The following USP45 variants were observed in gnomAD, a reference collection of about 807,000 sequenced individuals.
USP45 encodes the protein ubiquitin carboxyl-terminal hydrolase 45.
USP45 carries 89 observed loss-of-function variants against 95.8 expected under a neutral mutation model. That is an observed-to-expected ratio of 0.93 (90% CI 0.78 to 1.11). The LOEUF (loss-of-function observed/expected upper bound fraction) is 1.11. USP45 is among the 50% of genes least tolerant of loss of function. The pLI, the probability that USP45 is intolerant of heterozygous loss-of-function variation, is 0.00. For missense variants in USP45, 898 were observed against 942.5 expected, an observed-to-expected ratio of 0.95 and a Z score of 0.62; for synonymous variants, 281 against 316.2, an observed-to-expected ratio of 0.89 and a Z score of 1.18.
rs146996091 is a variant in USP45, at chr6:99,473,665, G to C, written c.933+2478C>G. On this transcript the variant is annotated intron_variant, in intron 9 of 17. Transcript: ENST00000500704. ...AGCTACTCGGGAGGCTGAGGCAGGA[G>C]AATCACTTGAACCTGGGAGGCAGAG... Among the ~76,000 whole-genome samples, 267 of 151,996 alleles carry C rather than the reference G, an allele frequency of 1.8e-3. 1 individual carries two copies. Among genetic ancestry groups the C allele is most frequent in the East Asian group, 5.4e-3 (28 of 5,160 alleles).
chr6:99,488,379 G>C (rs1245511884), intron 6 of USP45, 84 bp from the exon 7 acceptor site: 13 of 896,168 alleles, frequency 1.5e-5, no homozygotes, highest in Non-Finnish European at 2.2e-5. Flanking sequence ...ATTTCATCTA[G>C]CATAGCAAAA....
Position 99,468,563 on chromosome 6 carries a change from T to C in USP45, c.989A>G (p.Asp330Gly), listed in dbSNP as rs753553353. The C allele has an allele frequency of 1.2e-6, 2 of 1,608,860 alleles. No homozygotes were observed. The highest frequency in any genetic ancestry group is 2.2e-5 in the East Asian group (1 of 44,696). ...AFNNPTTKTADDETRKKVKAY... is the reference protein window; with the variant it reads ...AFNNPTTKTAGDETRKKVKAY... The stretch of plus-strand genomic sequence containing the variant: ...TTTGACTTTTTTTCTAGTTTCATCA[T>C]CAGCAGTTTTAGTAGTTGGGTTGTT... Residue 330 changes from aspartate to glycine, a missense_variant, in exon 10 of 18, where the codon GAT (aspartate) becomes GGT (glycine). Transcript: ENST00000500704.
At chr6:99,473,385 CA>C (rs1554239237) in intron 9 of USP45, among the ~76,000 whole-genome samples, 111 of 142,350 alleles carry the variant, frequency 7.8e-4, no homozygotes, top group Middle Eastern at 3.5e-3. Flanking sequence ...ACTAAAAATA[CA>C]AAAAAAAAAA....
Position 99,510,076 on chromosome 6 carries a change from T to C in USP45, c.100+45A>G, listed in dbSNP as rs1261247459. On this transcript the variant is annotated intron_variant, in intron 2 of 17. Transcript: ENST00000500704. ...GTTGTTGAAGGGTCAACTGCATTGT[T>C]ATTTCTTCTCAACACTATTTGGGAT... 19 of 1,432,200 alleles carry C rather than the reference T, an allele frequency of 1.3e-5. No individual in the cohort carries two copies. In the African/African-American group the frequency reaches 1.8e-4, roughly 14 times the overall value. The allele number at this position is 1,432,200 out of a possible 1,614,324, so 88.7% of individuals were successfully genotyped here. A position where few individuals can be genotyped will look rare whatever the true frequency, so the allele number is the denominator to read the frequency against.
chr6:99,476,113 G>C (rs747012675), intron 9 of USP45, 30 bp downstream of exon 9: 3 of 1,593,520 alleles, frequency 1.9e-6, no homozygotes, highest in Admixed American at 1.7e-5. Flanking sequence ...TTCTTGAAGA[G>C]AATACATGAT....
intron 16 of USP45, among the ~76,000 whole-genome samples, 180 bp downstream of exon 16, chr6:99,439,589 A>G (rs1781143339): frequency 6.6e-6 from 1 of 152,218 alleles, no homozygotes. Context: ...TGTCTCCCAA[A>G]GGACAAAAAT....
At chr6:99,488,618 G>A in intron 6 of USP45, 63 bp downstream of exon 6, 2 of 1,496,834 alleles carry the variant, frequency 1.3e-6, no homozygotes, top group Non-Finnish European at 9.1e-7. Context: ...CTACAGGTGA[G>A]CCAATGACTA....
At chr6:99,461,176 T>C in intron 13 of USP45, 1 of 985,338 alleles carries the variant, frequency 1.0e-6, no homozygotes, top group Non-Finnish European at 1.2e-6. Context: ...AACTTTTGGA[T>C]TTCTTTCTGA....
chr6:99,483,828 G>A (rs1793060252), intron 7 of USP45, among the ~76,000 whole-genome samples: 1 of 109,752 alleles, frequency 9.1e-6, no homozygotes, highest in African/African-American at 3.8e-5. Context: ...CTGGGCGACA[G>A]AGCGAGACTC....
intron 5 of USP45, among the ~76,000 whole-genome samples, chr6:99,494,059 C>T (rs1422533863): frequency 1.3e-5 from 2 of 152,126 alleles, no homozygotes; most frequent in Non-Finnish European, 2.9e-5. Context: ...ATTATCATTT[C>T]TTTTGTTCTC....
intron 5 of USP45, among the ~76,000 whole-genome samples, chr6:99,497,372 G>A (rs1271208502): frequency 6.6e-6 from 1 of 152,070 alleles, no homozygotes; most frequent in African/African-American, 2.4e-5. Context: ...ACTGCTTAAT[G>A]CAATTACCTA....
In USP45 at chr6:99,510,971, C is replaced by T. The variant is rs72926242; in HGVS notation, c.-10-741G>A. ...GGATCAAAAATGGATAGCTGTAAGC[C>T]AAGCATAGTAAAGCCACTCTATACC... On this transcript the variant is annotated intron_variant, in intron 1 of 17. Coordinates refer to ENST00000500704, the MANE Select transcript of USP45 (RefSeq NM_001346022.3). Among the ~76,000 whole-genome samples, 1,333 of 152,234 alleles carry T rather than the reference C, an allele frequency of 8.8e-3. 10 individuals are homozygous for T. Among genetic ancestry groups the T allele is most frequent in the Non-Finnish European group, 0.015 (1,000 of 68,026 alleles).
chr6:99,486,070 A>C (rs1369464169), intron 7 of USP45, among the ~76,000 whole-genome samples: 2 of 152,202 alleles, frequency 1.3e-5, no homozygotes, highest in African/African-American at 4.8e-5. Flanking sequence ...TTTGGGATTA[A>C]GGCAAGGCTG....
At chr6:99,450,350 A>AT (rs2128568391) in intron 13 of USP45, among the ~76,000 whole-genome samples, 1 of 152,354 alleles carries the variant, frequency 6.6e-6, no homozygotes, top group East Asian at 1.9e-4. Flanking sequence ...GATAAAGGGG[A>AT]TATCACCACT....
intron 5 of USP45, among the ~76,000 whole-genome samples, chr6:99,497,965 T>C (rs573417570): frequency 6.6e-6 from 1 of 152,358 alleles, no homozygotes; most frequent in East Asian, 1.9e-4. Context: ...AGTCGGATTA[T>C]TCTTCTAAAT....
chr6:99,472,748 T>C (rs778223127), intron 9 of USP45, among the ~76,000 whole-genome samples: 2 of 152,222 alleles, frequency 1.3e-5, no homozygotes, highest in African/African-American at 2.4e-5. Flanking sequence ...ACCATAATTA[T>C]TGAATCCAAT....
At position 99,443,681 on chromosome 6, in the gene USP45, A is replaced by G. The variant is rs760750009; in HGVS notation, c.1976-19T>C. On this transcript the variant is annotated intron_variant, in intron 14 of 17. Transcript: ENST00000500704. ...TTCTTTTCTACATAAAATACAATAA[A>G]TTTATTTATAAAATTCCATTTTATA... 1 of 1,446,014 alleles carries G rather than the reference A, an allele frequency of 6.9e-7. No individual in the cohort carries two copies. The highest frequency in any genetic ancestry group is 9.3e-7 in the Non-Finnish European group (1 of 1,073,542). 89.6% of individuals were successfully genotyped at this position (1,446,014 alleles called of 1,614,324 possible). A position where few individuals can be genotyped will look rare whatever the true frequency, so the allele number is the denominator to read the frequency against.
chr6:99,473,478 T>C (rs1376054786), intron 9 of USP45, among the ~76,000 whole-genome samples: 2 of 146,930 alleles, frequency 1.4e-5, no homozygotes, highest in Non-Finnish European at 3.0e-5. Context: ...ACCCAGGAGG[T>C]TGGAGGTTGC....
intron 1 of USP45, among the ~76,000 whole-genome samples, chr6:99,510,495 C>G (rs184351729): frequency 1.3e-5 from 2 of 152,324 alleles, no homozygotes; most frequent in Admixed American, 1.3e-4. Flanking sequence ...ATGTTGAACT[C>G]TAATCCCCAA....
Sources: gnomAD v4.1 joint callset for allele counts (sites outside exome capture counted in the v4.1 genomes callset) on GRCh38, gnomAD v4.1.1 for gene constraint, MANE v1.5 for transcripts, NCBI Gene and HGNC (gene_info 2026-07-23, HGNC 2026-07-21) for gene names.